CELSR1: variants seen among roughly 807,000 people sequenced by gnomAD.
CELSR1 encodes the protein adhesion G protein-coupled receptor C1.
CELSR1 carries 110 observed loss-of-function variants against 249.1 expected under a neutral mutation model. The ratio of observed to expected loss-of-function variants is 0.44; its 90% CI spans 0.38 to 0.52. CELSR1 has a LOEUF of 0.52. Ranked by LOEUF, CELSR1 falls within the 20% of genes least tolerant of loss-of-function variation. CELSR1 has a pLI of 0.00. For synonymous variants in CELSR1, 2,113 were observed against 1,900.0 expected (o/e 1.11, Z -2.92); for missense variants, 4,109 against 4,296.4 (o/e 0.96, Z 1.22).
Position 46,382,179 on chromosome 22 carries a change from A to C in CELSR1, c.6884-129T>G, listed in dbSNP as rs1250200272. 26 of 853,982 alleles carry C rather than the reference A, an allele frequency of 3.0e-5. No homozygotes were observed. In the South Asian group the frequency reaches 4.7e-4, roughly 15 times the overall value. 52.9% of individuals were successfully genotyped at this position (853,982 alleles called of 1,614,324 possible). On this transcript the variant is annotated intron_variant, in intron 20 of 34. Coordinates refer to ENST00000674500, the MANE Select transcript of CELSR1 (RefSeq NM_001378328.1). ...CAGAAAACAGTACCGTGGGTCCCCAAAAAATCAAAAACAGGACTTATCACA... is the reference window on the plus strand; with the variant it reads ...CAGAAAACAGTACCGTGGGTCCCCACAAAATCAAAAACAGGACTTATCACA...
rs570020403 is a variant in CELSR1, at chr22:46,534,704, G to A, written c.2467C>T (p.Arg823Cys). ...GGGTCCTGAATCACGTAGGTGATGC[G>A]GGCATTCTCTCCTGTGTCCTCATCG... ...ANDEDTGENA[R>C]ITYVIQDPVP... Residue 823 changes from arginine (R) to cysteine (C), a missense_variant, in exon 1 of 35, where the codon CGC (arginine) becomes TGC (cysteine). By Grantham distance (180) the Arg-to-Cys change is radical (BLOSUM62 -3). This residue lies in a region of CELSR1 where 886 missense variants were observed against 896.5 expected (regional missense o/e 0.99). Coordinates refer to ENST00000674500, the MANE Select transcript of CELSR1 (RefSeq NM_001378328.1). This position sits in a 1 kb window ranked among gnomAD's most constrained non-coding sequence, Gnocchi z 9.7. 31 of 1,613,478 alleles carry A rather than the reference G, an allele frequency of 1.9e-5. No individual in the cohort carries two copies. The highest frequency in any genetic ancestry group is 3.3e-4 in the Middle Eastern group (2 of 6,062).
Position 46,430,746 on chromosome 22 carries a change from G to A in CELSR1, c.4611+2647C>T, listed in dbSNP as rs111336540. Among the ~76,000 whole-genome samples, 41 of 150,922 alleles carry A rather than the reference G, an allele frequency of 2.7e-4. No homozygotes were observed. Among genetic ancestry groups the A allele is most frequent in the East Asian group, 9.8e-4 (5 of 5,078 alleles). ...TCTTCCTGACCTCAAGCTGGCCCCC[G>A]CCACCCCTCCAGGCCCCCACACTGC... On this transcript the variant is annotated intron_variant, in intron 5 of 34. Coordinates refer to ENST00000674500, the MANE Select transcript of CELSR1 (RefSeq NM_001378328.1). This position sits in a 1 kb window ranked among gnomAD's most constrained non-coding sequence, Gnocchi z 4.6.
chr22:46,482,353 GAC>G (rs2147668400), intron 1 of CELSR1, among the ~76,000 whole-genome samples: 1 of 152,210 alleles, frequency 6.6e-6, no homozygotes, highest in South Asian at 2.1e-4. Flanking sequence ...TGGCCCTGAA[GAC>G]AGAGGAAGGG....
rs2147323968 is a variant in CELSR1, at chr22:46,409,020, A to G, written c.5202T>C (p.Gly1734=). ...CCTGGAGGCGAAAGCTGGTGGGCCCACCACTGGTGGCCTCCATCAGAACGC... is the reference window on the plus strand; with the variant it reads ...CCTGGAGGCGAAAGCTGGTGGGCCCGCCACTGGTGGCCTCCATCAGAACGC... ...EDSVLMEATS[G]GPTSFRLQIL... The change falls in exon 9 of 35, where the codon GGT becomes GGC. Residue 1734 remains glycine (G), a synonymous_variant. Coordinates refer to ENST00000674500, the MANE Select transcript of CELSR1 (RefSeq NM_001378328.1). This position sits in a 1 kb window ranked among gnomAD's most constrained non-coding sequence, Gnocchi z 9.8. The G allele has an allele frequency of 3.7e-6, 6 of 1,611,024 alleles. No homozygotes were observed. The highest frequency in any genetic ancestry group is 5.1e-6 in the Non-Finnish European group (6 of 1,179,022).
In CELSR1 at chr22:46,394,240, C is replaced by T; in HGVS notation, c.5866G>A (p.Gly1956Ser). ...ENKLDLPCPR[G>S]WWGNPVCGPC... Reference sequence around the variant, plus strand: ...CCACAGACGGGGTTCCCCCACCAGCCTCTGGGGCACGGAAGGTCGAGTCTG... The same window carrying T: ...CCACAGACGGGGTTCCCCCACCAGCTTCTGGGGCACGGAAGGTCGAGTCTG... The change falls in exon 14 of 35, where the codon GGC becomes AGC. Residue 1956 changes from glycine (G) to serine (S), a missense_variant. Coordinates refer to ENST00000674500, the MANE Select transcript of CELSR1 (RefSeq NM_001378328.1). 1 of 1,613,802 alleles carries T rather than the reference C, an allele frequency of 6.2e-7. No individual in the cohort carries two copies. Among genetic ancestry groups the T allele is most frequent in the African/African-American group, 1.3e-5 (1 of 75,050 alleles).
chr22:46,433,036 T>C lies in CELSR1; in HGVS notation c.4611+357A>G, dbSNP rs969535740. ...CTACCAGGGCACCTTTTTTCCTTCC[T>C]TTTTTTTTTAGATGGAATTTCGCTC... On this transcript the variant is annotated intron_variant, in intron 5 of 34. Transcript: ENST00000674500. This position sits in a 1 kb window ranked among gnomAD's most constrained non-coding sequence, Gnocchi z 5.7. Among the ~76,000 whole-genome samples the C allele has an allele frequency of 6.9e-6, 1 of 145,194 alleles. No individual in the cohort carries two copies. The highest frequency in any genetic ancestry group is 2.6e-5 in the African/African-American group (1 of 38,132).
At position 46,440,161 on chromosome 22, in the gene CELSR1, G is replaced by A. The variant is rs2079727015; in HGVS notation, c.4184-750C>T. On this transcript the variant is annotated intron_variant, in intron 2 of 34. Coordinates refer to ENST00000674500, the MANE Select transcript of CELSR1 (RefSeq NM_001378328.1). This position sits in a 1 kb window ranked among gnomAD's most constrained non-coding sequence, Gnocchi z 4.7. ...CACTGCCTCTCTCCATCCGCCCTCA[G>A]ACCAGGAGTGCTAAGAACCTCATCT... Among the ~76,000 whole-genome samples, 1 of 152,122 alleles carries A rather than the reference G, an allele frequency of 6.6e-6. No individual in the cohort carries two copies.
intron 19 of CELSR1, among the ~76,000 whole-genome samples, chr22:46,386,182 C>G (rs1306679248): frequency 6.6e-6 from 1 of 152,154 alleles, no homozygotes; most frequent in Non-Finnish European, 1.5e-5. Flanking sequence ...TTTGCCCAGG[C>G]TGGTCTCCAA....
chr22:46,529,502 T>G (rs768383220), intron 1 of CELSR1, among the ~76,000 whole-genome samples: 1 of 150,098 alleles, frequency 6.7e-6, no homozygotes, highest in South Asian at 2.1e-4. Context: ...TACAAAAAAA[T>G]AGCTAAAAAA....
rs1389460566 is a variant in CELSR1, at chr22:46,429,995, C to G, written c.4611+3398G>C. 6.6e-6 allele frequency among the ~76,000 whole-genome samples: 1 copy of G among 152,190 alleles called. No homozygotes were observed. Among genetic ancestry groups the G allele is most frequent in the Admixed American group, 6.5e-5 (1 of 15,290 alleles). ...CACCCCATCTGCTTCCTGTGGGGAC[C>G]CTGACTGCTCCACCAGCCTGGCAGC... is the stretch of plus-strand genomic sequence containing the variant. On this transcript the variant is annotated intron_variant, in intron 5 of 34. Coordinates refer to ENST00000674500, the MANE Select transcript of CELSR1 (RefSeq NM_001378328.1). This position sits in a 1 kb window ranked among gnomAD's most constrained non-coding sequence, Gnocchi z 4.1.
chr22:46,453,452 T>C (rs147976813), intron 2 of CELSR1, among the ~76,000 whole-genome samples: 2,132 of 152,234 alleles, frequency 0.014, 46 homozygotes, highest in African/African-American at 0.048. Flanking sequence ...CACTTGGAGT[T>C]GGGGGTCACG....
chr22:46,517,490 G>A lies in CELSR1; in HGVS notation c.3544+16137C>T, dbSNP rs897680035. On this transcript the variant is annotated intron_variant, in intron 1 of 34. Transcript: ENST00000674500. This position sits in a 1 kb window ranked among gnomAD's most constrained non-coding sequence, Gnocchi z 5.4. ...GTATCTGGAGGGTAGAACCACAATG[G>A]CTGATGTGCACTGTCCCGGCGCCCC... Among the ~76,000 whole-genome samples the A allele has an allele frequency of 6.6e-6, 1 of 152,138 alleles. No individual in the cohort carries two copies. Among genetic ancestry groups the A allele is most frequent in the Non-Finnish European group, 1.5e-5 (1 of 68,024 alleles).
At position 46,453,493 on chromosome 22, in the gene CELSR1, C is replaced by T. The variant is rs79634641; in HGVS notation, c.4183+10214G>A. Among the ~76,000 whole-genome samples the T allele has an allele frequency of 5.0e-3, 767 of 152,318 alleles. 10 individuals are homozygous for T. The highest frequency in any genetic ancestry group is 0.018 in the African/African-American group (731 of 41,576). On this transcript the variant is annotated intron_variant, in intron 2 of 34. Coordinates refer to ENST00000674500, the MANE Select transcript of CELSR1 (RefSeq NM_001378328.1). ...CCCTCATTAATACAAAGTCTACCCC[C>T]GCTATGTCCAGCCAGCTTCATCTGA...
rs1602096897 is a variant in CELSR1 at position 46,410,551 on chromosome 22, G to A, written c.4780C>T (p.Leu1594=). 6.2e-7 allele frequency: 1 copy of A among 1,613,720 alleles called. No individual in the cohort carries two copies. Residue 1594 remains leucine, a synonymous_variant, in exon 7 of 35, where the codon CTG becomes TTG. Coordinates refer to ENST00000674500, the MANE Select transcript of CELSR1 (RefSeq NM_001378328.1). The surrounding 1 kb of genome is among the most constrained non-coding windows in gnomAD (Gnocchi z 6.8). ...CCCCCCAGGAGTAGAGGGCCGGTCAGATCCAGGGACCTGGGTAGGTAAAGC... is the reference window on the plus strand; with the variant it reads ...CCCCCCAGGAGTAGAGGGCCGGTCAAATCCAGGGACCTGGGTAGGTAAAGC... ...TQTGSKKSLD[L]TGPLLLGGVP... is the part of the protein sequence containing the mutation.
chr22:46,411,350 G>A lies in CELSR1; in HGVS notation c.4769+252C>T, dbSNP rs28493355. On this transcript the variant is annotated intron_variant, in intron 6 of 34. Coordinates refer to ENST00000674500, the MANE Select transcript of CELSR1 (RefSeq NM_001378328.1). This position sits in a 1 kb window ranked among gnomAD's most constrained non-coding sequence, Gnocchi z 4.2. ...TGGAGATGGGGCTGGAGACCGTCTC[G>A]GGGTCTGCAAGCTGGCCATCACAAC... Among the ~76,000 whole-genome samples, 1,040 of 152,288 alleles carry A rather than the reference G, an allele frequency of 6.8e-3. 14 individuals are homozygous for A. The highest frequency in any genetic ancestry group is 0.018 in the African/African-American group (763 of 41,554).
rs898427272 is a variant in CELSR1 at position 46,429,159 on chromosome 22, G to A, written c.4611+4234C>T. On this transcript the variant is annotated intron_variant, in intron 5 of 34. Coordinates refer to ENST00000674500, the MANE Select transcript of CELSR1 (RefSeq NM_001378328.1). This position sits in a 1 kb window ranked among gnomAD's most constrained non-coding sequence, Gnocchi z 4.1. ...ACGGCCCCTCCCTAGCACTGTCTCC[G>A]TGGGGAATAAGCTTCTCCCCACACT... 3.9e-5 allele frequency among the ~76,000 whole-genome samples: 6 copies of A among 152,126 alleles called. No homozygotes were observed. Among genetic ancestry groups the A allele is most frequent in the South Asian group, 4.1e-4 (2 of 4,822 alleles).
At chr22:46,444,768 C>T (rs1018823517) in intron 2 of CELSR1, among the ~76,000 whole-genome samples, 23 of 152,210 alleles carry the variant, frequency 1.5e-4, no homozygotes, top group African/African-American at 5.5e-4. Flanking sequence ...CAGCAGGGCC[C>T]AGCTCCCTCT....
chr22:46,525,157 G>A (rs1311561680), intron 1 of CELSR1, among the ~76,000 whole-genome samples: 2 of 152,174 alleles, frequency 1.3e-5, no homozygotes, highest in African/African-American at 4.8e-5. Flanking sequence ...AATTAAAGAG[G>A]GTCGTTTACG....
chr22:46,510,844 G>A (rs2080565914), intron 1 of CELSR1, among the ~76,000 whole-genome samples: 1 of 152,074 alleles, frequency 6.6e-6, no homozygotes. Flanking sequence ...GGGTGCGGTG[G>A]CTCATGCCTG....
Sources: gnomAD v4.1 joint callset for allele counts (sites outside exome capture counted in the v4.1 genomes callset) on GRCh38, gnomAD v4.1.1 for gene constraint, gnomAD v4.1.1 regional missense constraint, Gnocchi (gnomAD v3.1) non-coding constraint, MANE v1.5 for transcripts, NCBI Gene and HGNC (gene_info 2026-07-23, HGNC 2026-07-21) for gene names.